The following PLS1 variants were observed in gnomAD, a reference collection of about 807,000 sequenced individuals.
PLS1 encodes plastin-1.
In PLS1, 32 loss-of-function variants were observed where a neutral mutation model predicts 73.7. The ratio of observed to expected loss-of-function variants is 0.43; its 90% CI spans 0.33 to 0.58. PLS1 has a LOEUF of 0.58. PLS1 is among the 20% of genes least tolerant of loss of function. The probability of loss-of-function intolerance (pLI) is 0.04; values close to 1 mark genes in which losing one functional copy is unlikely to be tolerated. For synonymous variants in PLS1, 217 were observed against 261.3 expected, an observed-to-expected ratio of 0.83 and a Z score of 1.63; for missense variants, 633 against 740.5, an observed-to-expected ratio of 0.85 and a Z score of 1.68.
intron 1 of PLS1, among the ~76,000 whole-genome samples, chr3:142,605,142 G>T (rs774436476): frequency 2.0e-5 from 3 of 152,142 alleles, no homozygotes; most frequent in Non-Finnish European, 4.4e-5. Context: ...CTTCTCTTCA[G>T]CTGTAGGTTT....
intron 1 of PLS1, among the ~76,000 whole-genome samples, chr3:142,641,169 T>C (rs909938176): frequency 2.7e-4 from 39 of 144,368 alleles, no homozygotes; most frequent in Non-Finnish European, 5.0e-4. Flanking sequence ...TATATATATA[T>C]ATATATTATA....
chr3:142,614,250 C>A (rs1157103022), intron 1 of PLS1, among the ~76,000 whole-genome samples: 1 of 152,178 alleles, frequency 6.6e-6, no homozygotes, highest in Non-Finnish European at 1.5e-5. Flanking sequence ...AGCACCATAC[C>A]ATATAATTTC....
chr3:142,653,948 A>G (rs2037160490), intron 1 of PLS1, among the ~76,000 whole-genome samples: 2 of 152,170 alleles, frequency 1.3e-5, no homozygotes, highest in African/African-American at 4.8e-5. Context: ...CCATCTTTAT[A>G]TCTTCATTTA....
chr3:142,599,178 G>GAATGAATAAATAAATA (rs368006727), intron 1 of PLS1, among the ~76,000 whole-genome samples: 1 of 146,988 alleles, frequency 6.8e-6, no homozygotes, highest in African/African-American at 2.6e-5. Flanking sequence ...ATGAATGAAT[G>GAATGAATAAATAAATA]AATAAATAAA....
chr3:142,704,634 A>T, intron 14 of PLS1, 48 bp downstream of exon 14: 2 of 527,380 alleles, frequency 3.8e-6, no homozygotes, highest in Non-Finnish European at 3.0e-6. Context: ...TATAGGAAGG[A>T]ATTTTTTTTT....
At chr3:142,700,358 T>C (rs1240565878) in intron 12 of PLS1, among the ~76,000 whole-genome samples, 2 of 152,152 alleles carry the variant, frequency 1.3e-5, no homozygotes, top group African/African-American at 2.4e-5. Context: ...AGTCTCGCTC[T>C]GTTGCCCAGG....
chr3:142,682,839 A>G (rs961895067), intron 6 of PLS1, among the ~76,000 whole-genome samples: 1 of 152,220 alleles, frequency 6.6e-6, no homozygotes, highest in Admixed American at 6.5e-5. Flanking sequence ...TCCACAAAGT[A>G]TTTGTAATTT....
intron 14 of PLS1, among the ~76,000 whole-genome samples, chr3:142,707,071 AC>A (rs1424631561): frequency 2.0e-5 from 3 of 152,218 alleles, no homozygotes; most frequent in Non-Finnish European, 4.4e-5. Flanking sequence ...AGAACAGCCG[AC>A]CTGAGAGTTT....
chr3:142,619,400 C>G (rs1222929894), intron 1 of PLS1: 2 of 152,144 alleles, frequency 1.3e-5, no homozygotes, highest in Non-Finnish European at 2.9e-5. Flanking sequence ...TTATGTCTAC[C>G]AATTTATCTA....
At chr3:142,675,631 C>T (rs779127402) in intron 4 of PLS1, among the ~76,000 whole-genome samples, 1 of 151,128 alleles carries the variant, frequency 6.6e-6, no homozygotes, top group Non-Finnish European at 1.5e-5. Flanking sequence ...GTGATCTGCC[C>T]GTCTCAGCCT....
chr3:142,600,904 ATATATATATATATTTTTTTTTTTTT>A (rs2035908353), intron 1 of PLS1, among the ~76,000 whole-genome samples: 2 of 30,442 alleles, frequency 6.6e-5, no homozygotes. Context: ...ATATATATAT[ATATATATATATATTTTTTTTTTTTT>A]TTTTTTTTTT....
intron 1 of PLS1, among the ~76,000 whole-genome samples, chr3:142,646,994 A>G (rs1350569653): frequency 6.6e-6 from 1 of 152,210 alleles, no homozygotes; most frequent in African/African-American, 2.4e-5. Context: ...TCTAAGGTAC[A>G]TAAGAAGAAA....
At chr3:142,624,514 A>G (rs1376746678) in intron 1 of PLS1, among the ~76,000 whole-genome samples, 1 of 152,228 alleles carries the variant, frequency 6.6e-6, no homozygotes, top group Non-Finnish European at 1.5e-5. Context: ...TGAATGATGC[A>G]TGTTGAGGAA....
At chr3:142,637,426 A>G (rs1449071943) in intron 1 of PLS1, among the ~76,000 whole-genome samples, 1 of 152,194 alleles carries the variant, frequency 6.6e-6, no homozygotes, top group African/African-American at 2.4e-5. Context: ...ATATTATAGG[A>G]ATCATAGACA....
chr3:142,653,909 G>A (rs2107799339), intron 1 of PLS1, among the ~76,000 whole-genome samples: 1 of 152,262 alleles, frequency 6.6e-6, no homozygotes, highest in Non-Finnish European at 1.5e-5. Flanking sequence ...TATTGTATGA[G>A]TATAGTTTTA....
Position 142,698,043 on chromosome 3 carries a change from T to G in PLS1, c.1347T>G (p.Pro449=). ...NWSHVNKPPY[P]ALGGNMKKIE... ...GCCATGTCAACAAACCTCCTTATCC[T>G]GCCCTTGGAGGGAACATGAAGAAGG... Residue 449 remains proline, a synonymous_variant, in exon 12 of 16, where the codon CCT becomes CCG. Coordinates refer to ENST00000457734, the MANE Select transcript of PLS1 (RefSeq NM_001145319.2). 6.2e-7 allele frequency: 1 copy of G among 1,600,496 alleles called. No homozygotes were observed. The highest frequency in any genetic ancestry group is 8.6e-7 in the Non-Finnish European group (1 of 1,167,652).
intron 11 of PLS1, 96 bp downstream of exon 11, chr3:142,694,643 C>A: frequency 1.5e-6 from 1 of 671,454 alleles, no homozygotes; most frequent in Non-Finnish European, 2.5e-6. Flanking sequence ...TCTCAAGTTG[C>A]AAGAATTTTA....
intron 1 of PLS1, among the ~76,000 whole-genome samples, chr3:142,622,360 G>A (rs374988701): frequency 1.3e-5 from 2 of 152,162 alleles, no homozygotes; most frequent in East Asian, 1.9e-4. Flanking sequence ...CAATCAAGAC[G>A]TAGAACACTT....
intron 4 of PLS1, among the ~76,000 whole-genome samples, chr3:142,675,466 T>C (rs2037701601): frequency 6.6e-6 from 1 of 152,172 alleles, no homozygotes; most frequent in African/African-American, 2.4e-5. Context: ...CACTGCAAGC[T>C]CTGCCTCCTG....
Sources: allele counts gnomAD v4.1 joint callset (sites outside exome capture counted in the v4.1 genomes callset), GRCh38; gene constraint gnomAD v4.1.1; transcripts MANE v1.5; gene names NCBI Gene and HGNC (gene_info 2026-07-23, HGNC 2026-07-21).